Variants in KCNQ1 observed in about 807,000 individuals in gnomAD.
The protein encoded by KCNQ1 is potassium voltage-gated channel subfamily Q member 1, also known as potassium voltage-gated channel subfamily KQT member 1.
A neutral mutation model predicts 72.4 loss-of-function variants in KCNQ1; 49 were observed. The ratio of observed to expected loss-of-function variants is 0.68; its 90% CI spans 0.54 to 0.86. The LOEUF is 0.86. KCNQ1 is among the 40% of genes least tolerant of loss of function. The probability of loss-of-function intolerance (pLI) is 0.00; values close to 1 mark genes in which losing one functional copy is unlikely to be tolerated. For synonymous variants in KCNQ1, 450 were observed against 412.6 expected (o/e 1.09, Z -1.10); for missense variants, 790 against 945.1 (o/e 0.84, Z 2.15).
rs960850560 is a variant in KCNQ1, at chr11:2,707,512, G to C, written c.1514+45431G>C. 2.0e-5 allele frequency among the ~76,000 whole-genome samples: 3 copies of C among 152,114 alleles called. No homozygotes were observed. The East Asian group carries it at 5.8e-4, about 29-fold the overall frequency. On this transcript the variant is annotated intron_variant, in intron 11 of 15. Transcript: ENST00000155840. Reference sequence around the variant, plus strand: ...ACCTTACTCCTAGCTGGTGTTCTGGGCCGTCAGTTCATAGGTCCAGCTCTG... The same window carrying C: ...ACCTTACTCCTAGCTGGTGTTCTGGCCCGTCAGTTCATAGGTCCAGCTCTG...
intron 15 of KCNQ1, among the ~76,000 whole-genome samples, chr11:2,797,592 A>G (rs1044262768): frequency 1.3e-5 from 2 of 151,812 alleles, no homozygotes; most frequent in African/African-American, 4.8e-5. Context: ...TTTCCCCACT[A>G]GCATCTGACC....
At chr11:2,597,517 A>G (rs996561385) in intron 10 of KCNQ1, among the ~76,000 whole-genome samples, 2 of 152,204 alleles carry the variant, frequency 1.3e-5, no homozygotes, top group Admixed American at 1.3e-4. Context: ...CTGATGCAGG[A>G]CATCCCTGAT....
In KCNQ1 at chr11:2,703,396, A is replaced by G. The variant is rs986209524; in HGVS notation, c.1514+41315A>G. ...TTTGTGTCTGGTTTGCCTCATCTGT[A>G]CATGGTAGGGGCTGAGCTAGCGTTC... On this transcript the variant is annotated intron_variant, in intron 11 of 15. Coordinates refer to ENST00000155840, the MANE Select transcript of KCNQ1 (RefSeq NM_000218.3). The surrounding 1 kb of genome is among the most constrained non-coding windows in gnomAD (Gnocchi z 6.4). Among the ~76,000 whole-genome samples, 1 of 152,146 alleles carries G rather than the reference A, an allele frequency of 6.6e-6. No homozygotes were observed. The highest frequency in any genetic ancestry group is 2.4e-5 in the African/African-American group (1 of 41,432).
At chr11:2,696,210 C>A in intron 11 of KCNQ1, 1 of 398,622 alleles carries the variant, frequency 2.5e-6, no homozygotes, top group South Asian at 1.3e-4. Flanking sequence ...GGAGATTATT[C>A]ATTTTTTCTC....
At chr11:2,841,701 T>A (rs1848215381) in intron 15 of KCNQ1, among the ~76,000 whole-genome samples, 1 of 152,148 alleles carries the variant, frequency 6.6e-6, no homozygotes, top group Non-Finnish European at 1.5e-5. Flanking sequence ...CTAGCCGAGG[T>A]CCCAGGAAGG....
rs1850123107 is a variant in KCNQ1, at chr11:2,668,443, C to T, written c.1514+6362C>T. On this transcript the variant is annotated intron_variant, in intron 11 of 15. Coordinates refer to ENST00000155840, the MANE Select transcript of KCNQ1 (RefSeq NM_000218.3). This position sits in a 1 kb window ranked among gnomAD's most constrained non-coding sequence, Gnocchi z 4.3. ...CACAGGCAGCATTCTGGCTGCTCCA[C>T]ATCCTAACACTTGGCATTTTCCGTC... 7.5e-6 allele frequency: 3 copies of T among 398,486 alleles called. No homozygotes were observed. Among genetic ancestry groups the T allele is most frequent in the African/African-American group, 4.1e-5 (2 of 48,634 alleles). The allele number at this position is 398,486 out of a possible 1,614,324, so 24.7% of individuals were successfully genotyped here. A position where few individuals can be genotyped will look rare whatever the true frequency, so the allele number is the denominator to read the frequency against.
At chr11:2,496,268 C>G (rs1400474798) in intron 1 of KCNQ1, among the ~76,000 whole-genome samples, 2 of 151,778 alleles carry the variant, frequency 1.3e-5, no homozygotes, top group African/African-American at 4.8e-5. Context: ...AACCCCATCT[C>G]TACTAAAAAT....
In KCNQ1 at chr11:2,690,311, A is replaced by G. The variant is rs989544539; in HGVS notation, c.1514+28230A>G. The G allele has an allele frequency of 5.8e-5, 23 of 398,572 alleles. No individual in the cohort carries two copies. The highest frequency in any genetic ancestry group is 8.8e-6 in the Non-Finnish European group (2 of 226,102). The allele number at this position is 398,572 out of a possible 1,614,324, so 24.7% of individuals were successfully genotyped here. ...GTCTTCCTCCCTGTAGGATTGTCACAAGGATTAAATGATGTCAAGTCTGAG... is the reference window on the plus strand; with the variant it reads ...GTCTTCCTCCCTGTAGGATTGTCACGAGGATTAAATGATGTCAAGTCTGAG... On this transcript the variant is annotated intron_variant, in intron 11 of 15. Coordinates refer to ENST00000155840, the MANE Select transcript of KCNQ1 (RefSeq NM_000218.3). This position sits in a 1 kb window ranked among gnomAD's most constrained non-coding sequence, Gnocchi z 5.1.
intron 2 of KCNQ1, among the ~76,000 whole-genome samples, chr11:2,561,958 A>G (rs1453296082): frequency 6.6e-6 from 1 of 152,130 alleles, no homozygotes; most frequent in Non-Finnish European, 1.5e-5. Flanking sequence ...GAGCAGAAGG[A>G]TGCAGCCCGA....
At chr11:2,805,382 C>T (rs984261249) in intron 15 of KCNQ1, among the ~76,000 whole-genome samples, 1 of 152,218 alleles carries the variant, frequency 6.6e-6, no homozygotes, top group African/African-American at 2.4e-5. Flanking sequence ...CAAGTGAAAA[C>T]TCAAATCTAT....
intron 6 of KCNQ1, among the ~76,000 whole-genome samples, chr11:2,582,379 C>G (rs1344273395): frequency 6.6e-5 from 10 of 152,206 alleles, no homozygotes; most frequent in African/African-American, 2.4e-4. Flanking sequence ...TTCTTGCCTT[C>G]CATCAGAGTG....
At chr11:2,846,631 A>T (rs1848333767) in intron 15 of KCNQ1, among the ~76,000 whole-genome samples, 2 of 152,308 alleles carry the variant, frequency 1.3e-5, no homozygotes, top group South Asian at 4.1e-4. Flanking sequence ...TGCTCCACCC[A>T]GCACCTGCTC....
intron 10 of KCNQ1, chr11:2,614,864 A>G (rs1849036157): frequency 5.0e-6 from 2 of 398,244 alleles, no homozygotes; most frequent in Non-Finnish European, 8.9e-6. Context: ...ATGATTTTAG[A>G]TTGTTTGGGG....
Position 2,725,283 on chromosome 11 carries a change from C to T in KCNQ1, c.1515-43561C>T, listed in dbSNP as rs535333445. On this transcript the variant is annotated intron_variant, in intron 11 of 15. Coordinates refer to ENST00000155840, the MANE Select transcript of KCNQ1 (RefSeq NM_000218.3). This position sits in a 1 kb window ranked among gnomAD's most constrained non-coding sequence, Gnocchi z 7.2. ...CTGGACTTGTGAAACACTCCAGGGT[C>T]GGGGGCTCAGCCACGGGACCAGCGC... 1.3e-5 allele frequency among the ~76,000 whole-genome samples: 2 copies of T among 152,318 alleles called. No homozygotes were observed. The highest frequency in any genetic ancestry group is 1.9e-4 in the East Asian group (1 of 5,176).
intron 15 of KCNQ1, among the ~76,000 whole-genome samples, chr11:2,841,967 G>A (rs1460371273): frequency 2.0e-5 from 3 of 152,220 alleles, no homozygotes; most frequent in African/African-American, 7.2e-5. Context: ...TGTTGGGGTG[G>A]AGCTGACCAG....
Position 2,537,044 on chromosome 11 carries a change from G to A in KCNQ1, c.477+9026G>A, listed in dbSNP as rs1847744245. Reference sequence around the variant, plus strand: ...ATTGGAGGCTACCCTACTCCACTGTGACCCCCCTCCTAACTGATCATATCT... The same window carrying A: ...ATTGGAGGCTACCCTACTCCACTGTAACCCCCCTCCTAACTGATCATATCT... On this transcript the variant is annotated intron_variant, in intron 2 of 15. Transcript: ENST00000155840. This position sits in a 1 kb window ranked among gnomAD's most constrained non-coding sequence, Gnocchi z 5.2. 6.6e-6 allele frequency among the ~76,000 whole-genome samples: 1 copy of A among 151,942 alleles called. No individual in the cohort carries two copies. Among genetic ancestry groups the A allele is most frequent in the Admixed American group, 6.5e-5 (1 of 15,272 alleles).
rs1043639836 is a variant in KCNQ1, at chr11:2,595,618, C to T, written c.1393+6764C>T. On this transcript the variant is annotated intron_variant, in intron 10 of 15. Coordinates refer to ENST00000155840, the MANE Select transcript of KCNQ1 (RefSeq NM_000218.3). This position sits in a 1 kb window ranked among gnomAD's most constrained non-coding sequence, Gnocchi z 5.0. ...GAGCCCATTTTCGAGACCTATTGCT[C>T]AGACAAAAAGATCCCTCTCAAAATG... 1.3e-5 allele frequency among the ~76,000 whole-genome samples: 2 copies of T among 152,140 alleles called. No homozygotes were observed. The highest frequency in any genetic ancestry group is 6.5e-5 in the Admixed American group (1 of 15,284).
intron 11 of KCNQ1, among the ~76,000 whole-genome samples, chr11:2,756,875 T>C (rs71476690): frequency 3.5e-5 from 5 of 142,454 alleles, no homozygotes; most frequent in Non-Finnish European, 6.0e-5. Flanking sequence ...TTCTAGGTAA[T>C]GCAAGGCTAG....
chr11:2,660,964 T>C (rs1268074657), intron 10 of KCNQ1: 5 of 398,540 alleles, frequency 1.3e-5, no homozygotes, highest in East Asian at 1.1e-4. Flanking sequence ...GTGGCCAATC[T>C]AAACTGTGGA....
Sources: allele counts gnomAD v4.1 joint callset (sites outside exome capture counted in the v4.1 genomes callset), GRCh38; gene constraint gnomAD v4.1.1; non-coding constraint Gnocchi (gnomAD v3.1); transcripts MANE v1.5; gene names NCBI Gene and HGNC (gene_info 2026-07-23, HGNC 2026-07-21).